The following FLRT1 variants were observed in gnomAD, a reference collection of about 807,000 sequenced individuals.
FLRT1 encodes leucine-rich repeat transmembrane protein FLRT1.
A neutral mutation model predicts 30.9 loss-of-function variants in FLRT1; 14 were observed. That is an observed-to-expected ratio of 0.45 (90% CI 0.30 to 0.71). The LOEUF (loss-of-function observed/expected upper bound fraction) is 0.71, where lower values mean the gene tolerates loss of function less well. Among genes scored for constraint, FLRT1 ranks in the 30% least tolerant of loss-of-function variants. FLRT1 has a pLI of 0.08. For synonymous variants in FLRT1, 368 were observed against 430.4 expected (o/e 0.85, Z 1.80); for missense variants, 737 against 949.2 (o/e 0.78, Z 2.94).
intron 1 of FLRT1, among the ~76,000 whole-genome samples, chr11:64,094,052 T>C (rs1944535056): frequency 6.6e-6 from 1 of 152,170 alleles, no homozygotes; most frequent in South Asian, 2.1e-4. Context: ...ATCCCAGCAC[T>C]TTGGGAGGCC....
At chr11:64,046,439 G>A (rs1291363184) in intron 1 of FLRT1, among the ~76,000 whole-genome samples, 1 of 152,226 alleles carries the variant, frequency 6.6e-6, no homozygotes. Context: ...CAAGGGGACA[G>A]GAGGGAGCTG....
At chr11:64,040,069 C>T (rs1943456062) in intron 1 of FLRT1, among the ~76,000 whole-genome samples, 1 of 152,236 alleles carries the variant, frequency 6.6e-6, no homozygotes, top group East Asian at 1.9e-4. Flanking sequence ...AATCATTGAG[C>T]ATTAGTTATT....
chr11:64,111,656 G>T (rs1283983720), intron 2 of FLRT1, among the ~76,000 whole-genome samples: 1 of 152,214 alleles, frequency 6.6e-6, no homozygotes, highest in Admixed American at 6.5e-5. Context: ...GCCTGTGAAG[G>T]GGGGTGGGTG....
chr11:64,059,556 T>C (rs1372179920), intron 1 of FLRT1, among the ~76,000 whole-genome samples: 1 of 152,044 alleles, frequency 6.6e-6, no homozygotes, highest in African/African-American at 2.4e-5. Context: ...TCCACCCTCA[T>C]CTGGGGAACA....
At chr11:64,043,628 G>A (rs1943530512) in intron 1 of FLRT1, among the ~76,000 whole-genome samples, 1 of 152,088 alleles carries the variant, frequency 6.6e-6, no homozygotes, top group Admixed American at 6.5e-5. Context: ...GCTCATTAAG[G>A]GTGGCAGAGA....
At chr11:64,080,148 G>A (rs1944277628) in intron 1 of FLRT1, among the ~76,000 whole-genome samples, 1 of 152,174 alleles carries the variant, frequency 6.6e-6, no homozygotes, top group Non-Finnish European at 1.5e-5. Context: ...GAGTAGCGGG[G>A]ATTACAGGCG....
chr11:64,044,476 T>C (rs1436650831), intron 1 of FLRT1, among the ~76,000 whole-genome samples: 1 of 152,168 alleles, frequency 6.6e-6, no homozygotes, highest in African/African-American at 2.4e-5. Flanking sequence ...CTTGAACTCC[T>C]GGCCTCAAGC....
intron 1 of FLRT1, among the ~76,000 whole-genome samples, chr11:64,079,119 G>A (rs1037849214): frequency 5.3e-5 from 8 of 152,114 alleles, no homozygotes; most frequent in African/African-American, 1.4e-4. Flanking sequence ...AGTGGGGGGC[G>A]GTGGACGGGA....
chr11:64,102,364 A>AC (rs59852408), intron 1 of FLRT1, among the ~76,000 whole-genome samples: 26,909 of 151,794 alleles, frequency 0.18, 2,559 homozygotes, highest in Admixed American at 0.29. Flanking sequence ...TTGAGGACTG[A>AC]CCCCCCACCT....
intron 1 of FLRT1, among the ~76,000 whole-genome samples, chr11:64,078,179 G>A (rs373566154): frequency 1.8e-3 from 277 of 152,246 alleles, no homozygotes; most frequent in African/African-American, 4.9e-3. Flanking sequence ...CTCTGTGCCC[G>A]CCCCAGAGAT....
intron 2 of FLRT1, among the ~76,000 whole-genome samples, chr11:64,112,219 A>G (rs1300145019): frequency 6.6e-6 from 1 of 152,164 alleles, no homozygotes; most frequent in African/African-American, 2.4e-5. Context: ...GAGACAGACA[A>G]TAAAAACAAA....
At chr11:64,071,365 A>T (rs375869628) in intron 1 of FLRT1, among the ~76,000 whole-genome samples, 10 of 152,124 alleles carry the variant, frequency 6.6e-5, no homozygotes, top group African/African-American at 2.4e-4. Context: ...AGCACAGAGC[A>T]GCTCTCTAGC....
chr11:64,093,055 T>C (rs899012074), intron 1 of FLRT1, among the ~76,000 whole-genome samples: 7 of 151,092 alleles, frequency 4.6e-5, no homozygotes, highest in African/African-American at 1.7e-4. Context: ...GAGAGAGGAG[T>C]GAGTTTGCAT....
chr11:64,114,146 GAATGA>G, intron 2 of FLRT1, among the ~76,000 whole-genome samples: 3 of 151,360 alleles, frequency 2.0e-5, no homozygotes, highest in Admixed American at 6.6e-5. Flanking sequence ...CTGAATGGAT[GAATGA>G]ACAAGTGGAT....
At chr11:64,072,795 C>T (rs945007233) in intron 1 of FLRT1, among the ~76,000 whole-genome samples, 2 of 152,214 alleles carry the variant, frequency 1.3e-5, no homozygotes, top group Non-Finnish European at 2.9e-5. Flanking sequence ...CTTTGTGTTG[C>T]AGCTCCACCC....
intron 2 of FLRT1, among the ~76,000 whole-genome samples, chr11:64,108,078 C>T (rs1944794643): frequency 6.6e-6 from 1 of 152,142 alleles, no homozygotes; most frequent in African/African-American, 2.4e-5. Flanking sequence ...CTTTGGGAGG[C>T]CGAGGCGGGC....
At chr11:64,039,483 C>A (rs113060690) in intron 1 of FLRT1, among the ~76,000 whole-genome samples, 53 of 152,298 alleles carry the variant, frequency 3.5e-4, no homozygotes, top group Admixed American at 1.8e-3. Flanking sequence ...TCTGGCTGGC[C>A]CACGAGGCAG....
At chr11:64,052,280 T>G (rs914519605) in intron 1 of FLRT1, among the ~76,000 whole-genome samples, 1 of 152,178 alleles carries the variant, frequency 6.6e-6, no homozygotes, top group Non-Finnish European at 1.5e-5. Flanking sequence ...CTTTTTTTGC[T>G]GTGAGGCCTT....
intron 1 of FLRT1, among the ~76,000 whole-genome samples, chr11:64,061,805 T>C (rs910283535): frequency 4.0e-5 from 6 of 149,650 alleles, no homozygotes; most frequent in African/African-American, 1.5e-4. Context: ...GCTCAAGCCA[T>C]CCTTCAAGCC....
Sources: gnomAD v4.1 joint callset for allele counts (sites outside exome capture counted in the v4.1 genomes callset) on GRCh38, gnomAD v4.1.1 for gene constraint, MANE v1.5 for transcripts, NCBI Gene and HGNC (gene_info 2026-07-23, HGNC 2026-07-21) for gene names.